The following TTC8 variants were observed in gnomAD, a reference collection of about 807,000 sequenced individuals.
TTC8 encodes tetratricopeptide repeat domain 8.
Under a neutral mutation model 72.5 loss-of-function variants are expected in TTC8, and 47 were observed. That is an observed-to-expected ratio of 0.65 (90% CI 0.51 to 0.83). The LOEUF (loss-of-function observed/expected upper bound fraction) is 0.83. TTC8 is among the 40% of genes least tolerant of loss of function. TTC8 has a pLI of 0.00. For missense variants in TTC8, 611 were observed against 623.2 expected, an observed-to-expected ratio of 0.98 and a Z score of 0.21; for synonymous variants, 199 against 221.4, an observed-to-expected ratio of 0.90 and a Z score of 0.90.
intron 14 of TTC8, 106 bp downstream of exon 14, chr14:88,875,215 G>T (rs996432857): frequency 3.3e-5 from 32 of 967,858 alleles, no homozygotes; most frequent in Non-Finnish European, 4.9e-5. Flanking sequence ...CTTCCTGAAA[G>T]AAATGACTTT....
chr14:88,839,322 A>G, intron 2 of TTC8, 130 bp from the exon 3 acceptor site: 1 of 916,666 alleles, frequency 1.1e-6, no homozygotes. Flanking sequence ...TTAAATTAAA[A>G]TAATGTGTTA....
At chr14:88,853,280 G>A (rs1297849269) in intron 8 of TTC8, among the ~76,000 whole-genome samples, 1 of 152,126 alleles carries the variant, frequency 6.6e-6, no homozygotes, top group Non-Finnish European at 1.5e-5. Context: ...GAGACCATCA[G>A]GCCCAACTCC....
chr14:88,860,530 G>A (rs1296132044), intron 9 of TTC8, among the ~76,000 whole-genome samples: 1 of 152,072 alleles, frequency 6.6e-6, no homozygotes, highest in South Asian at 2.1e-4. Context: ...TGTTCCATGG[G>A]TCATCTCCTC....
chr14:88,878,633 T>A (rs2141051648), downstream of TTC8: 1 of 152,358 alleles, frequency 6.6e-6, no homozygotes, highest in African/African-American at 2.4e-5. Flanking sequence ...TTCTCTGTGA[T>A]GTGTTAGTGT....
At chr14:88,845,857 T>C (rs2094803792) in intron 7 of TTC8, among the ~76,000 whole-genome samples, 2 of 152,150 alleles carry the variant, frequency 1.3e-5, no homozygotes, top group South Asian at 4.1e-4. Flanking sequence ...AGAGATAATA[T>C]TCTGGTTGGG....
At chr14:88,853,334 T>C (rs1319077494) in intron 8 of TTC8, among the ~76,000 whole-genome samples, 3 of 152,186 alleles carry the variant, frequency 2.0e-5, no homozygotes, top group Admixed American at 1.3e-4. Context: ...TGGCTGTAAT[T>C]TGCATCAGGA....
intron 8 of TTC8, among the ~76,000 whole-genome samples, chr14:88,855,427 G>A (rs931884253): frequency 1.3e-5 from 2 of 152,102 alleles, no homozygotes; most frequent in African/African-American, 4.8e-5. Context: ...GATGTTTTAT[G>A]CCTTGACTTT....
chr14:88,873,641 TGTGA>T (rs1361375338), intron 13 of TTC8, among the ~76,000 whole-genome samples: 1 of 152,224 alleles, frequency 6.6e-6, no homozygotes, highest in African/African-American at 2.4e-5. Context: ...AGGGATTGTT[TGTGA>T]GTGTTAGATC....
intron 1 of TTC8, among the ~76,000 whole-genome samples, chr14:88,831,284 A>G (rs2094724814): frequency 6.6e-6 from 1 of 152,172 alleles, no homozygotes; most frequent in Non-Finnish European, 1.5e-5. Context: ...CTTTCCTAGA[A>G]AGTTCTAAAT....
intron 2 of TTC8, among the ~76,000 whole-genome samples, chr14:88,834,756 A>G (rs1399937696): frequency 1.3e-5 from 2 of 152,116 alleles, no homozygotes; most frequent in Non-Finnish European, 2.9e-5. Context: ...AGTTATAAAT[A>G]CTGTGGATTT....
Position 88,874,131 on chromosome 14 carries a change from TCTTA to T in TTC8, c.1348-888_1348-885del, listed in dbSNP as rs534488830. Among the ~76,000 whole-genome samples the T allele has an allele frequency of 1.9e-3, 289 of 152,364 alleles. 1 individual carries two copies. Among genetic ancestry groups the T allele is most frequent in the African/African-American group, 6.6e-3 (274 of 41,594 alleles). ...TCCCATATTGGTAATTTTCTTTTCC[TCTTA>T]CTTACTGTAGTTTCTCTAGCATGCA... On this transcript the variant is annotated intron_variant, in intron 13 of 14. Coordinates refer to ENST00000380656, the MANE Select transcript of TTC8 (RefSeq NM_144596.4).
At chr14:88,845,242 C>A (rs2094800709) in intron 7 of TTC8, among the ~76,000 whole-genome samples, 1 of 151,898 alleles carries the variant, frequency 6.6e-6, no homozygotes, top group South Asian at 2.1e-4. Flanking sequence ...ATGCTAGGGA[C>A]AAAGGAAAGA....
At chr14:88,876,507 A>G (rs1454989153) in intron 14 of TTC8, among the ~76,000 whole-genome samples, 8 of 152,198 alleles carry the variant, frequency 5.3e-5, no homozygotes, top group Non-Finnish European at 7.3e-5. Flanking sequence ...AAGATTTGAA[A>G]TATTCCCAAC....
At chr14:88,861,397 A>G in intron 10 of TTC8, 65 bp downstream of exon 10, 3 of 1,248,258 alleles carry the variant, frequency 2.4e-6, no homozygotes, top group Non-Finnish European at 1.1e-6. Flanking sequence ...TTTGTGGTAC[A>G]TGTGATATTT....
chr14:88,833,865 T>C, intron 2 of TTC8, 143 bp downstream of exon 2: 1 of 724,138 alleles, frequency 1.4e-6, no homozygotes, highest in South Asian at 1.5e-5. Flanking sequence ...TTCTGTGCCT[T>C]CTTATGTAAA....
upstream of TTC8, chr14:88,824,442 A>T: frequency 2.1e-6 from 1 of 482,670 alleles, no homozygotes; most frequent in Non-Finnish European, 3.7e-6. Context: ...CTTTTTGTTT[A>T]GCCGCGGTGC....
Position 88,859,248 on chromosome 14 carries a change from A to G in TTC8, c.798+1971A>G, listed in dbSNP as rs142716756. 1.0e-3 allele frequency among the ~76,000 whole-genome samples: 153 copies of G among 152,298 alleles called. 1 individual carries two copies. Among genetic ancestry groups the G allele is most frequent in the African/African-American group, 3.5e-3 (145 of 41,574 alleles). On this transcript the variant is annotated intron_variant, in intron 9 of 14. Transcript: ENST00000380656. Reference sequence around the variant, plus strand: ...TCATTGCAGCACTATTCACAATAGCAAAGACATGGAATTAACCTAAATGCC... The same window carrying G: ...TCATTGCAGCACTATTCACAATAGCGAAGACATGGAATTAACCTAAATGCC...
chr14:88,865,780 A>G (rs1270809615), intron 10 of TTC8, among the ~76,000 whole-genome samples: 2 of 152,152 alleles, frequency 1.3e-5, no homozygotes, highest in East Asian at 1.9e-4. Context: ...TACCAAATTT[A>G]TTATATACTT....
At chr14:88,851,084 CA>C (rs533241954) in intron 7 of TTC8, among the ~76,000 whole-genome samples, 183 of 152,182 alleles carry the variant, frequency 1.2e-3, no homozygotes, top group African/African-American at 3.7e-3. Context: ...TGTTTAAGAT[CA>C]GGGGGTGTCT....
Sources: allele counts gnomAD v4.1 joint callset (sites outside exome capture counted in the v4.1 genomes callset), GRCh38; gene constraint gnomAD v4.1.1; transcripts MANE v1.5; gene names NCBI Gene and HGNC (gene_info 2026-07-23, HGNC 2026-07-21).